SMARCAD1: variants seen among roughly 807,000 people sequenced by gnomAD.
SMARCAD1 encodes SWI/SNF-related matrix-associated actin-dependent regulator of chromatin subfamily A containing DEAD/H box 1.
SMARCAD1 carries 25 observed loss-of-function variants against 127.1 expected under a neutral mutation model. That is an observed-to-expected ratio of 0.20 (90% CI 0.14 to 0.27). The LOEUF (loss-of-function observed/expected upper bound fraction) is 0.27. Ranked by LOEUF, SMARCAD1 falls within the 10% of genes least tolerant of loss-of-function variation. The pLI, the probability that SMARCAD1 is intolerant of heterozygous loss-of-function variation, is 1.00. For missense variants in SMARCAD1, 807 were observed against 1,206.0 expected (o/e 0.67, Z 4.90); for synonymous variants, 400 against 396.9 (o/e 1.01, Z -0.09).
chr4:94,279,405 G>A (rs1753712779), intron 19 of SMARCAD1, among the ~76,000 whole-genome samples: 1 of 152,108 alleles, frequency 6.6e-6, no homozygotes, highest in South Asian at 2.1e-4. Context: ...CTCCCAAAGT[G>A]CTGGAATTAC....
intron 6 of SMARCAD1, among the ~76,000 whole-genome samples, chr4:94,245,805 A>G (rs976238445): frequency 2.0e-5 from 3 of 152,134 alleles, no homozygotes; most frequent in Non-Finnish European, 2.9e-5. Flanking sequence ...TATCTCTAAC[A>G]GTTTTTCTCC....
chr4:94,218,440 G>A (rs1456189130), intron 2 of SMARCAD1, among the ~76,000 whole-genome samples: 1 of 151,946 alleles, frequency 6.6e-6, no homozygotes, highest in Non-Finnish European at 1.5e-5. Context: ...CCACAGGCAT[G>A]CATCACGACG....
chr4:94,238,351 G>A (rs959891458), intron 5 of SMARCAD1, among the ~76,000 whole-genome samples: 7 of 152,068 alleles, frequency 4.6e-5, no homozygotes, highest in Admixed American at 2.0e-4. Flanking sequence ...CAGTAAAGTA[G>A]TATAATAGTG....
At chr4:94,280,376 G>A (rs757916631) in intron 19 of SMARCAD1, among the ~76,000 whole-genome samples, 1 of 151,986 alleles carries the variant, frequency 6.6e-6, no homozygotes, top group Non-Finnish European at 1.5e-5. Flanking sequence ...TATTTCATCT[G>A]TAAATATTTT....
chr4:94,274,831 A>C (rs769527392), intron 13 of SMARCAD1, 34 bp downstream of exon 13: 1 of 1,611,200 alleles, frequency 6.2e-7, no homozygotes, highest in South Asian at 1.1e-5. Flanking sequence ...TAACTTTGGA[A>C]ATTAAAAATA....
chr4:94,235,043 A>T lies in SMARCAD1; in HGVS notation c.537+921A>T, dbSNP rs141281758. Among the ~76,000 whole-genome samples, 1,139 of 152,204 alleles carry T rather than the reference A, an allele frequency of 7.5e-3. 7 individuals are homozygous for T. The highest frequency in any genetic ancestry group is 0.026 in the African/African-American group (1,064 of 41,534). ...AATAAAGCCATAAGGCTGGATTTTT[A>T]TTGAGGGTTGGTCACCACTTTAACA... On this transcript the variant is annotated intron_variant, in intron 4 of 23. Coordinates refer to ENST00000354268, the MANE Select transcript of SMARCAD1 (RefSeq NM_020159.5).
At chr4:94,231,728 A>AT (rs1021638404) in intron 3 of SMARCAD1, among the ~76,000 whole-genome samples, 4 of 151,714 alleles carry the variant, frequency 2.6e-5, no homozygotes, top group African/African-American at 9.7e-5. Context: ...TTTATAGCTG[A>AT]TTTTTTTCAA....
In SMARCAD1 at chr4:94,234,136, G is replaced by A; in HGVS notation, c.537+14G>A. ...GATTTACTTAAGGTTATATTCATTG[G>A]TTATTGTAGCTGTAATGATGATAAA... On this transcript the variant is annotated intron_variant, in intron 4 of 23. Coordinates refer to ENST00000354268, the MANE Select transcript of SMARCAD1 (RefSeq NM_020159.5). 1 of 1,574,968 alleles carries A rather than the reference G, an allele frequency of 6.3e-7. No individual in the cohort carries two copies. Among genetic ancestry groups the A allele is most frequent in the South Asian group, 1.2e-5 (1 of 86,808 alleles).
At chr4:94,284,850 A>T in intron 22 of SMARCAD1, 110 bp from the exon 23 acceptor site, 3 of 715,712 alleles carry the variant, frequency 4.2e-6, no homozygotes, top group Non-Finnish European at 7.1e-6. Flanking sequence ...ATTTAAGGAT[A>T]TGTTTGTCGT....
At chr4:94,249,631 T>C in intron 6 of SMARCAD1, 23 bp from the exon 7 acceptor site, 1 of 1,250,710 alleles carries the variant, frequency 8.0e-7, no homozygotes, top group Non-Finnish European at 1.2e-6. Context: ...TAAATTGTTT[T>C]CTTTTTTTTT....
At chr4:94,277,638 G>A (rs1579331555) in intron 16 of SMARCAD1, among the ~76,000 whole-genome samples, 1 of 152,258 alleles carries the variant, frequency 6.6e-6, no homozygotes, top group African/African-American at 2.4e-5. Flanking sequence ...CTCTTCACAA[G>A]AAAAGTTTTG....
rs1741634059 is a variant in SMARCAD1 at position 94,208,536 on chromosome 4, G to A, written c.142G>A (p.Glu48Lys). 1 of 1,614,110 alleles carries A rather than the reference G, an allele frequency of 6.2e-7. No homozygotes were observed. The highest frequency in any genetic ancestry group is 1.1e-5 in the South Asian group (1 of 91,072). ...LSAEEENAEG[E>K]VSRANTPDSD... ...TGCTGAAGAGGAGAATGCTGAAGGG[G>A]AAGTTAGCAGGGCAAACACTCCTGA... is the stretch of plus-strand genomic sequence containing the variant. Residue 48 changes from glutamate (E) to lysine (K), a missense_variant, in exon 2 of 24, where the codon GAA becomes AAA. Physicochemically the swap from Glu to Lys is moderately conservative, Grantham distance 56. Transcript: ENST00000354268.
At position 94,272,363 on chromosome 4, in the gene SMARCAD1, A is replaced by T. The variant is rs540627179; in HGVS notation, c.1573-1254A>T. On this transcript the variant is annotated intron_variant, in intron 11 of 23. Coordinates refer to ENST00000354268, the MANE Select transcript of SMARCAD1 (RefSeq NM_020159.5). The stretch of plus-strand genomic sequence containing the variant: ...TTCCCCTGAGGATCTGTATCTCCTA[A>T]GTAACTTTTTTAAACCAGTATTTTA... Among the ~76,000 whole-genome samples, 110 of 152,340 alleles carry T rather than the reference A, an allele frequency of 7.2e-4. 1 individual carries two copies. The highest frequency in any genetic ancestry group is 1.9e-3 in the Admixed American group (29 of 15,298).
At chr4:94,271,248 T>G (rs1180108436) in intron 11 of SMARCAD1, among the ~76,000 whole-genome samples, 2 of 152,198 alleles carry the variant, frequency 1.3e-5, no homozygotes, top group Admixed American at 1.3e-4. Flanking sequence ...TCCCTGTCCT[T>G]GTCAGTAAAC....
In SMARCAD1 at chr4:94,277,076, C is replaced by T; in HGVS notation, c.1999C>T (p.Leu667Phe). 6.2e-7 allele frequency: 1 copy of T among 1,614,072 alleles called. No homozygotes were observed. The highest frequency in any genetic ancestry group is 8.5e-7 in the Non-Finnish European group (1 of 1,179,962). The stretch of plus-strand genomic sequence containing the variant: ...ACCTGTACAGAACAATCTGTTAGAA[C>T]TCATGTCGCTGTTGAATTTTGTTAT... ...GTPVQNNLLELMSLLNFVMPH... is the reference protein window; with the variant it reads ...GTPVQNNLLEFMSLLNFVMPH... Residue 667 changes from leucine (L) to phenylalanine (F), a missense_variant, in exon 16 of 24, where the codon CTC becomes TTC. By Grantham distance (22) the Leu-to-Phe change is conservative. Coordinates refer to ENST00000354268, the MANE Select transcript of SMARCAD1 (RefSeq NM_020159.5).
chr4:94,239,248 GA>G, intron 5 of SMARCAD1, among the ~76,000 whole-genome samples: 1 of 152,210 alleles, frequency 6.6e-6, no homozygotes, highest in East Asian at 1.9e-4. Flanking sequence ...ATTGAGACAG[GA>G]AACTATACTT....
intron 20 of SMARCAD1, 135 bp downstream of exon 20, chr4:94,280,915 T>C: frequency 1.2e-6 from 1 of 838,436 alleles, no homozygotes; most frequent in South Asian, 1.6e-5. Flanking sequence ...TTTTGAACAT[T>C]TTCTTGACGT....
At chr4:94,281,666 CAATT>C (rs1754043933) in intron 21 of SMARCAD1, 76 bp downstream of exon 21, 1 of 952,494 alleles carries the variant, frequency 1.0e-6, no homozygotes, top group Non-Finnish European at 1.7e-6. Flanking sequence ...GTCTAACAAA[CAATT>C]GATAGTATTT....
At chr4:94,254,611 C>T (rs1051406487) in intron 9 of SMARCAD1, among the ~76,000 whole-genome samples, 9 of 152,086 alleles carry the variant, frequency 5.9e-5, no homozygotes, top group African/African-American at 1.9e-4. Context: ...GCATTACTTA[C>T]TTAAACCTCC....
Sources: gnomAD v4.1 joint callset for allele counts (sites outside exome capture counted in the v4.1 genomes callset) on GRCh38, gnomAD v4.1.1 for gene constraint, MANE v1.5 for transcripts, NCBI Gene and HGNC (gene_info 2026-07-23, HGNC 2026-07-21) for gene names.